TIAM1: variants seen among roughly 807,000 people sequenced by gnomAD.
TIAM1 encodes TIAM Rac1 associated GEF 1.
In TIAM1, 65 loss-of-function variants were observed where a neutral mutation model predicts 163.5. That is an observed-to-expected ratio of 0.40 (90% CI 0.33 to 0.49). TIAM1 has a LOEUF of 0.49. Among genes scored for constraint, TIAM1 ranks in the 20% least tolerant of loss-of-function variants. The pLI is 0.77. For missense variants in TIAM1, 1,789 were observed against 2,044.7 expected (o/e 0.87, Z 2.41); for synonymous variants, 833 against 810.1 (o/e 1.03, Z -0.48).
At chr21:31,411,558 C>T (rs2077358743) in intron 2 of TIAM1, among the ~76,000 whole-genome samples, 1 of 150,864 alleles carries the variant, frequency 6.6e-6, no homozygotes, top group Non-Finnish European at 1.5e-5. Flanking sequence ...TCACTGCAAC[C>T]TCTGCCTCCC....
intron 2 of TIAM1, among the ~76,000 whole-genome samples, chr21:31,290,292 T>C (rs988027384): frequency 1.3e-5 from 2 of 151,536 alleles, no homozygotes; most frequent in African/African-American, 4.9e-5. Flanking sequence ...ATCTGGGACC[T>C]ACCAAAAAAA....
At chr21:31,210,651 A>AGGAAGGG (rs1247809269) in intron 10 of TIAM1, among the ~76,000 whole-genome samples, 3 of 22,272 alleles carry the variant, frequency 1.3e-4, no homozygotes, top group African/African-American at 2.3e-4. Flanking sequence ...GAAAGAAAGA[A>AGGAAGGG]AGAAAGAAAG....
At chr21:31,380,220 C>T (rs1279770036) in intron 2 of TIAM1, among the ~76,000 whole-genome samples, 1 of 152,018 alleles carries the variant, frequency 6.6e-6, no homozygotes, top group African/African-American at 2.4e-5. Context: ...AGCACGCCAC[C>T]GCACTCTAGC....
chr21:31,155,713 C>T (rs939340110), intron 16 of TIAM1, among the ~76,000 whole-genome samples: 1 of 151,952 alleles, frequency 6.6e-6, no homozygotes, highest in Admixed American at 6.6e-5. Context: ...AACATGTTGG[C>T]CAGGATGGTC....
At chr21:31,221,951 C>T (rs1352719842) in intron 8 of TIAM1, among the ~76,000 whole-genome samples, 1 of 152,126 alleles carries the variant, frequency 6.6e-6, no homozygotes, top group Non-Finnish European at 1.5e-5. Context: ...AGCACTTTGT[C>T]CCACCACTAC....
chr21:31,494,383 T>C (rs762688585), intron 1 of TIAM1, among the ~76,000 whole-genome samples: 1 of 152,104 alleles, frequency 6.6e-6, no homozygotes, highest in East Asian at 1.9e-4. Flanking sequence ...CTATTTCCAA[T>C]GAAGAATCCT....
At chr21:31,396,478 T>A (rs1401404903) in intron 2 of TIAM1, among the ~76,000 whole-genome samples, 1 of 152,002 alleles carries the variant, frequency 6.6e-6, no homozygotes, top group Non-Finnish European at 1.5e-5. Context: ...TTTATTCTCC[T>A]ACCTGCCCCA....
intron 16 of TIAM1, among the ~76,000 whole-genome samples, chr21:31,164,259 G>A (rs1488040889): frequency 2.6e-5 from 4 of 152,026 alleles, no homozygotes; most frequent in African/African-American, 4.8e-5. Context: ...GCGTGGTGGC[G>A]GGTGCCTGTA....
chr21:31,546,081 ATT>A (rs1425410389), intron 1 of TIAM1, among the ~76,000 whole-genome samples: 1 of 151,954 alleles, frequency 6.6e-6, no homozygotes, highest in African/African-American at 2.4e-5. Context: ...TTTAAAAAAA[ATT>A]TTTAATAAAA....
chr21:31,152,534 A>G (rs9305453), intron 19 of TIAM1, 102 bp downstream of exon 19: 1,239,683 of 1,496,850 alleles, frequency 0.83, 514,634 homozygotes, highest in African/African-American at 0.95. Context: ...CCTTAGGAAC[A>G]GACCCCACTG....
intron 2 of TIAM1, among the ~76,000 whole-genome samples, chr21:31,356,941 G>A (rs2076325870): frequency 6.6e-6 from 1 of 152,194 alleles, no homozygotes; most frequent in South Asian, 2.1e-4. Flanking sequence ...AACACAGCAA[G>A]AGCCCATCTT....
chr21:31,541,349 C>T (rs1167370888), intron 1 of TIAM1, among the ~76,000 whole-genome samples: 1 of 151,870 alleles, frequency 6.6e-6, no homozygotes, highest in South Asian at 2.1e-4. Context: ...CCCAGCTACC[C>T]GGAAGACTGA....
Position 31,209,710 on chromosome 21 carries a change from C to T in TIAM1, c.2388+335G>A, listed in dbSNP as rs76708290. On this transcript the variant is annotated intron_variant, in intron 11 of 27. Transcript: ENST00000541036. ...GTTTGCAATGGTTATTTCTGGATTT[C>T]GTGAATAAGAGTGGCCTTAATTTTC... Among the ~76,000 whole-genome samples the T allele has an allele frequency of 7.8e-3, 1,194 of 152,238 alleles. 15 individuals are homozygous for T. Among genetic ancestry groups the T allele is most frequent in the Middle Eastern group, 0.027 (8 of 294 alleles).
intron 12 of TIAM1, among the ~76,000 whole-genome samples, chr21:31,200,746 T>C (rs1244063380): frequency 2.0e-5 from 3 of 152,194 alleles, no homozygotes; most frequent in East Asian, 1.9e-4. Context: ...TTTTACGCGA[T>C]TGAAAATATC....
chr21:31,274,942 C>G (rs1379933268), intron 3 of TIAM1, among the ~76,000 whole-genome samples: 5 of 139,006 alleles, frequency 3.6e-5, no homozygotes, highest in Admixed American at 7.7e-5. Flanking sequence ...AACCCTATCT[C>G]TACTAAAAAC....
intron 3 of TIAM1, among the ~76,000 whole-genome samples, chr21:31,272,821 C>T (rs1236265169): frequency 6.6e-6 from 1 of 151,968 alleles, no homozygotes; most frequent in Admixed American, 6.6e-5. Context: ...ACAACAACAA[C>T]AAAAAAGCAA....
chr21:31,434,140 A>G (rs957310861), intron 2 of TIAM1, among the ~76,000 whole-genome samples: 4 of 130,896 alleles, frequency 3.1e-5, no homozygotes, highest in South Asian at 2.1e-4. Context: ...ATTTTTAAAG[A>G]AAAAAAAAGG....
chr21:31,278,595 G>C (rs1419909148), intron 2 of TIAM1, among the ~76,000 whole-genome samples: 43 of 152,184 alleles, frequency 2.8e-4, no homozygotes, highest in Admixed American at 2.8e-3. Flanking sequence ...TTGTGGAAAG[G>C]AGCCACATAC....
At chr21:31,380,448 C>T (rs919354026) in intron 2 of TIAM1, among the ~76,000 whole-genome samples, 2 of 152,224 alleles carry the variant, frequency 1.3e-5, no homozygotes, top group African/African-American at 4.8e-5. Flanking sequence ...GAGGCTGAGG[C>T]AGGAGAATCA....
Sources: allele counts gnomAD v4.1 joint callset (sites outside exome capture counted in the v4.1 genomes callset), GRCh38; gene constraint gnomAD v4.1.1; transcripts MANE v1.5; gene names NCBI Gene and HGNC (gene_info 2026-07-23, HGNC 2026-07-21).